Variants in CEP128 observed in about 807,000 individuals in gnomAD.
CEP128 encodes the protein centrosomal protein 128, also known as centrosomal protein 128kDa.
CEP128 carries 132 observed loss-of-function variants against 156.7 expected under a neutral mutation model. The ratio of observed to expected loss-of-function variants is 0.84; its 90% CI spans 0.73 to 0.97. The LOEUF (loss-of-function observed/expected upper bound fraction) is 0.97, where lower values mean the gene tolerates loss of function less well. CEP128 is among the 50% of genes least tolerant of loss of function. The pLI is 0.00. For synonymous variants in CEP128, 469 were observed against 448.9 expected (o/e 1.04, Z -0.57); for missense variants, 1,252 against 1,281.9 (o/e 0.98, Z 0.36).
chr14:80,552,210 G>C (rs1022080965), intron 21 of CEP128, among the ~76,000 whole-genome samples: 5 of 152,036 alleles, frequency 3.3e-5, no homozygotes, highest in Non-Finnish European at 7.4e-5. Context: ...TTGGGAGGCT[G>C]AGGCAAGAGA....
intron 19 of CEP128, among the ~76,000 whole-genome samples, chr14:80,729,553 T>C (rs1898186166): frequency 1.3e-5 from 2 of 152,192 alleles, no homozygotes; most frequent in African/African-American, 4.8e-5. Flanking sequence ...TGCCCCGTAG[T>C]GAGACTGCTA....
At chr14:80,837,236 T>C (rs1385853195) in intron 11 of CEP128, among the ~76,000 whole-genome samples, 1 of 152,238 alleles carries the variant, frequency 6.6e-6, no homozygotes, top group East Asian at 1.9e-4. Context: ...AGGTGTGTTA[T>C]ATAACATACA....
chr14:80,806,170 T>C (rs557555390), intron 13 of CEP128, among the ~76,000 whole-genome samples: 2 of 152,232 alleles, frequency 1.3e-5, no homozygotes, highest in South Asian at 4.1e-4. Flanking sequence ...TCCCAAATAA[T>C]AGGTTCTTCA....
upstream of CEP128, chr14:80,941,844 A>AGT (rs1461880414): frequency 6.6e-6 from 1 of 152,606 alleles, no homozygotes; most frequent in Admixed American, 6.5e-5. Flanking sequence ...CAAGGGAGAG[A>AGT]GTCCCGAAAA....
At chr14:80,929,349 T>A (rs1215834831) in intron 2 of CEP128, among the ~76,000 whole-genome samples, 1 of 152,220 alleles carries the variant, frequency 6.6e-6, no homozygotes, top group Non-Finnish European at 1.5e-5. Flanking sequence ...ATCATTTGAA[T>A]CAGGAATCCC....
chr14:80,574,037 T>C (rs1891255833), intron 20 of CEP128, among the ~76,000 whole-genome samples: 1 of 152,240 alleles, frequency 6.6e-6, no homozygotes, highest in South Asian at 2.1e-4. Context: ...CATTTTGGTT[T>C]CCAGAATAAT....
At chr14:80,589,822 T>C (rs895588751) in intron 19 of CEP128, among the ~76,000 whole-genome samples, 13 of 152,118 alleles carry the variant, frequency 8.5e-5, no homozygotes, top group African/African-American at 3.1e-4. Flanking sequence ...TCTCTAAGTA[T>C]TTTTAAAATA....
chr14:80,721,176 C>T (rs1245766850), intron 19 of CEP128, among the ~76,000 whole-genome samples: 1 of 152,012 alleles, frequency 6.6e-6, no homozygotes, highest in Non-Finnish European at 1.5e-5. Flanking sequence ...ATAATTTTTA[C>T]ATATAAAAGA....
At chr14:80,502,141 T>C (rs969630678) in intron 24 of CEP128, among the ~76,000 whole-genome samples, 6 of 152,238 alleles carry the variant, frequency 3.9e-5, no homozygotes, top group African/African-American at 1.4e-4. Flanking sequence ...GGACCTCTGC[T>C]GCTGCTGTAC....
At chr14:80,508,678 C>A (rs1437431446) in intron 23 of CEP128, among the ~76,000 whole-genome samples, 1 of 152,010 alleles carries the variant, frequency 6.6e-6, no homozygotes, top group Non-Finnish European at 1.5e-5. Context: ...CATTTTAAGG[C>A]TTTTAAAAAT....
chr14:80,649,635 A>C (rs142644114), intron 19 of CEP128, among the ~76,000 whole-genome samples: 1 of 152,188 alleles, frequency 6.6e-6, no homozygotes, highest in East Asian at 1.9e-4. Flanking sequence ...ATCTCTTAGG[A>C]ATGGGGTAAA....
At chr14:80,672,664 T>C (rs930224994) in intron 19 of CEP128, among the ~76,000 whole-genome samples, 13 of 152,336 alleles carry the variant, frequency 8.5e-5, no homozygotes, top group African/African-American at 2.9e-4. Flanking sequence ...AAGACACATA[T>C]ACATATGGTT....
chr14:80,495,817 T>A (rs1887474529), downstream of CEP128, among the ~76,000 whole-genome samples: 1 of 152,178 alleles, frequency 6.6e-6, no homozygotes, highest in East Asian at 1.9e-4. Context: ...ACCTGTTGAT[T>A]TTCCCTCATA....
At chr14:80,486,317 G>GA (rs887733580), downstream of CEP128, among the ~76,000 whole-genome samples, 5 of 151,442 alleles carry the variant, frequency 3.3e-5, no homozygotes, top group Middle Eastern at 3.4e-3. Flanking sequence ...GAAGTTTAGA[G>GA]AAAAAAAAAT....
intron 24 of CEP128, among the ~76,000 whole-genome samples, chr14:80,498,455 A>C (rs1293375164): frequency 6.6e-6 from 1 of 152,144 alleles, no homozygotes; most frequent in East Asian, 1.9e-4. Context: ...AATAAAATCC[A>C]CACATCTGAC....
At chr14:80,810,317 C>G (rs1261826562) in intron 13 of CEP128, among the ~76,000 whole-genome samples, 2 of 39,236 alleles carry the variant, frequency 5.1e-5, no homozygotes, top group African/African-American at 1.5e-4. Context: ...AGCAAGACTC[C>G]ATCTCCAAAA....
chr14:80,620,500 A>G (rs1386283098), intron 19 of CEP128, among the ~76,000 whole-genome samples: 1 of 152,234 alleles, frequency 6.6e-6, no homozygotes, highest in Non-Finnish European at 1.5e-5. Flanking sequence ...AGAAAAGATA[A>G]GACAATTGAT....
chr14:80,781,324 G>A (rs997520045), intron 15 of CEP128, among the ~76,000 whole-genome samples: 8 of 152,014 alleles, frequency 5.3e-5, no homozygotes. Context: ...GGGCGTGGTG[G>A]TGCGCACCTG....
At chr14:80,819,517 A>C (rs1885051794) in intron 13 of CEP128, among the ~76,000 whole-genome samples, 1 of 151,998 alleles carries the variant, frequency 6.6e-6, no homozygotes, top group Admixed American at 6.6e-5. Context: ...AAGTGCTGGG[A>C]TTACAGGCGT....
Sources: gnomAD v4.1 joint callset for allele counts (sites outside exome capture counted in the v4.1 genomes callset) on GRCh38, gnomAD v4.1.1 for gene constraint, MANE v1.5 for transcripts, NCBI Gene and HGNC (gene_info 2026-07-23, HGNC 2026-07-21) for gene names.